RASGEF1A: variants seen among roughly 807,000 people sequenced by gnomAD.
RASGEF1A encodes RasGEF domain family member 1A.
In RASGEF1A, 18 loss-of-function variants were observed where a neutral mutation model predicts 56.4. The observed-to-expected ratio is 0.32, with a 90% CI of 0.22 to 0.47. The LOEUF (loss-of-function observed/expected upper bound fraction) is 0.47. RASGEF1A is among the 20% of genes least tolerant of loss of function. The pLI is 1.00. For synonymous variants in RASGEF1A, 245 were observed against 242.6 expected (o/e 1.01, Z -0.09); for missense variants, 422 against 627.1 (o/e 0.67, Z 3.49).
chr10:43,198,912 T>A, intron 9 of RASGEF1A, 21 bp downstream of exon 9: 1 of 1,575,654 alleles, frequency 6.3e-7, no homozygotes. Flanking sequence ...CTCGCAGCTG[T>A]GACGGGGCTC....
At chr10:43,250,484 C>T (rs546840402) in intron 1 of RASGEF1A, among the ~76,000 whole-genome samples, 8 of 152,338 alleles carry the variant, frequency 5.3e-5, no homozygotes, top group Admixed American at 2.6e-4. Flanking sequence ...CCACCCAAGA[C>T]GACTGCTAGA....
At chr10:43,238,071 T>G (rs888325833) in intron 1 of RASGEF1A, among the ~76,000 whole-genome samples, 16 of 122,132 alleles carry the variant, frequency 1.3e-4, no homozygotes, top group Non-Finnish European at 2.4e-4. Context: ...TTAGCCATCA[T>G]AGATTGAGAC....
Position 43,196,694 on chromosome 10 carries a change from A to G in RASGEF1A, c.1349-146T>C, listed in dbSNP as rs1839803209. The G allele has an allele frequency of 3.6e-6, 3 of 821,952 alleles. No homozygotes were observed. The highest frequency in any genetic ancestry group is 2.2e-5 in the Admixed American group (1 of 44,656). 50.9% of individuals were successfully genotyped at this position (821,952 alleles called of 1,614,324 possible). Reference sequence around the variant, plus strand: ...CAGTTCTCTGCTGTGCGGGGCTCTCAGGCTGCCTGTTGGGGACTCTAGGAA... The same window carrying G: ...CAGTTCTCTGCTGTGCGGGGCTCTCGGGCTGCCTGTTGGGGACTCTAGGAA... On this transcript the variant is annotated intron_variant, in intron 11 of 12. Coordinates refer to ENST00000395810, the MANE Select transcript of RASGEF1A (RefSeq NM_145313.4). The surrounding 1 kb of genome is among the most constrained non-coding windows in gnomAD (Gnocchi z 4.6).
intron 1 of RASGEF1A, among the ~76,000 whole-genome samples, chr10:43,229,965 GGC>G (rs894136757): frequency 6.6e-6 from 1 of 151,942 alleles, no homozygotes; most frequent in Admixed American, 6.6e-5. Flanking sequence ...GCCTGGGCCG[GGC>G]GCGCGCCTGG....
intron 2 of RASGEF1A, among the ~76,000 whole-genome samples, chr10:43,204,433 C>T (rs1400025358): frequency 1.3e-5 from 2 of 152,200 alleles, no homozygotes; most frequent in African/African-American, 4.8e-5. Flanking sequence ...CCACACCCTG[C>T]CCCAGGCTAT....
chr10:43,225,797 G>T (rs904093768), intron 1 of RASGEF1A, among the ~76,000 whole-genome samples: 4 of 152,278 alleles, frequency 2.6e-5, no homozygotes, highest in African/African-American at 9.6e-5. Flanking sequence ...GACATCTGTT[G>T]TATGTGGCCC....
At chr10:43,258,148 C>T (rs988579842) in intron 1 of RASGEF1A, among the ~76,000 whole-genome samples, 1 of 152,250 alleles carries the variant, frequency 6.6e-6, no homozygotes, top group African/African-American at 2.4e-5. Context: ...GGAGGTCTGC[C>T]TGCTGGAGCC....
At chr10:43,207,794 G>A (rs138853918) in intron 1 of RASGEF1A, 15,100 of 747,704 alleles carry the variant, frequency 0.02, 191 homozygotes, top group Middle Eastern at 0.023. Context: ...ACCCCAACGC[G>A]CTCTCCACTC....
Position 43,218,142 on chromosome 10 carries a change from G to A in RASGEF1A, c.-6-12020C>T, listed in dbSNP as rs78147764. 8.3e-3 allele frequency among the ~76,000 whole-genome samples: 1,270 copies of A among 152,314 alleles called. 50 individuals carry two copies. In the East Asian group the frequency reaches 0.095, roughly 11 times the overall value. ...AAGCTCAGGACAGGCTCAATGCCTG[G>A]TGGGTTCTGATGGCATCGGCACTGC... On this transcript the variant is annotated intron_variant, in intron 1 of 12. Coordinates refer to ENST00000395810, the MANE Select transcript of RASGEF1A (RefSeq NM_145313.4).
intron 1 of RASGEF1A, among the ~76,000 whole-genome samples, chr10:43,236,880 G>A (rs925053289): frequency 2.6e-5 from 4 of 152,120 alleles, no homozygotes; most frequent in Non-Finnish European, 5.9e-5. Flanking sequence ...AGGGGACAAG[G>A]GGGGGATGCT....
intron 1 of RASGEF1A, among the ~76,000 whole-genome samples, chr10:43,223,964 AC>A (rs1461980784): frequency 6.6e-6 from 1 of 152,198 alleles, no homozygotes; most frequent in East Asian, 1.9e-4. Flanking sequence ...ACAAACAACT[AC>A]CTAAATCTGT....
chr10:43,261,086 A>G (rs1836520194), intron 1 of RASGEF1A, among the ~76,000 whole-genome samples: 1 of 150,952 alleles, frequency 6.6e-6, no homozygotes, highest in Non-Finnish European at 1.5e-5. Context: ...GGCCCCACCC[A>G]TGTGGGAGCG....
chr10:43,230,506 G>A (rs981156291), intron 1 of RASGEF1A, among the ~76,000 whole-genome samples: 4 of 152,158 alleles, frequency 2.6e-5, no homozygotes, highest in Admixed American at 6.5e-5. Context: ...GCCGAAGAGC[G>A]CCCTCTCTGG....
intron 1 of RASGEF1A, among the ~76,000 whole-genome samples, chr10:43,211,528 G>C (rs12220560): frequency 0.14 from 21,278 of 152,230 alleles, 1,936 homozygotes; most frequent in East Asian, 0.26. Context: ...CTCTCCCCAG[G>C]CCTCCACTAC....
rs1374215308 is a variant in RASGEF1A at position 43,266,895 on chromosome 10, C to A, written c.-57G>T. 6.9e-6 allele frequency: 1 copy of A among 145,980 alleles called. No individual in the cohort carries two copies. Among genetic ancestry groups the A allele is most frequent in the Non-Finnish European group, 1.5e-5 (1 of 65,752 alleles). 9.0% of individuals were successfully genotyped at this position (145,980 alleles called of 1,614,324 possible). ...GCGCCGCCCTCGCGCCGCAGTCGGG[C>A]CCCGAGCAGCGCGCGGCCGGCGCCG... On this transcript the variant is annotated 5_prime_UTR_variant, in exon 1 of 13. Transcript: ENST00000395810.
At chr10:43,263,024 A>G (rs1836561884) in intron 1 of RASGEF1A, among the ~76,000 whole-genome samples, 1 of 152,186 alleles carries the variant, frequency 6.6e-6, no homozygotes, top group African/African-American at 2.4e-5. Flanking sequence ...GGCAAGGTTC[A>G]GGGGCGTGAT....
rs1184708288 is a variant in RASGEF1A, at chr10:43,201,941, T to C, written c.326A>G (p.Lys109Arg). The C allele has an allele frequency of 6.2e-7, 1 of 1,606,846 alleles. No individual in the cohort carries two copies. Among genetic ancestry groups the C allele is most frequent in the Admixed American group, 1.7e-5 (1 of 59,566 alleles). Reference protein sequence around the residue: ...QQLEAGPEKAKLKSFSAKIVQ... With the variant: ...QQLEAGPEKARLKSFSAKIVQ... Reference sequence around the variant, plus strand: ...GATCTTGGCTGAGAAAGACTTCAGCTTGGCCTGGGGCAGCAGGGGATACAG... The same window carrying C: ...GATCTTGGCTGAGAAAGACTTCAGCCTGGCCTGGGGCAGCAGGGGATACAG... Residue 109 changes from lysine to arginine, a missense_variant, in exon 4 of 13, where the codon AAG (lysine) becomes AGG (arginine). Around this residue, in one of 2 missense-constraint regions of RASGEF1A, gnomAD observed 273 missense variants for 339.9 expected, o/e 0.80. Transcript: ENST00000395810.
intron 1 of RASGEF1A, chr10:43,208,569 G>A (rs12360342): frequency 8.7e-4 from 858 of 985,474 alleles, no homozygotes; most frequent in Non-Finnish European, 1.0e-3. Context: ...GAATCCCTTT[G>A]GGGAGTCAGC....
intron 1 of RASGEF1A, among the ~76,000 whole-genome samples, chr10:43,216,292 A>G (rs977581595): frequency 1.3e-5 from 2 of 151,764 alleles, no homozygotes; most frequent in Non-Finnish European, 2.9e-5. Context: ...CGCCTGCCCC[A>G]CTCTGTGAGG....
Sources: allele counts gnomAD v4.1 joint callset (sites outside exome capture counted in the v4.1 genomes callset), GRCh38; gene constraint gnomAD v4.1.1; regional missense constraint gnomAD v4.1.1; non-coding constraint Gnocchi (gnomAD v3.1); transcripts MANE v1.5; gene names NCBI Gene and HGNC (gene_info 2026-07-23, HGNC 2026-07-21).